SLC39A10: variants seen among roughly 807,000 people sequenced by gnomAD.
SLC39A10 encodes the protein solute carrier family 39 member 10.
Under a neutral mutation model 65.1 loss-of-function variants are expected in SLC39A10, and 13 were observed. The ratio of observed to expected loss-of-function variants is 0.20; its 90% CI spans 0.13 to 0.32. SLC39A10 has a LOEUF of 0.32. Among genes scored for constraint, SLC39A10 ranks in the 10% least tolerant of loss-of-function variants. The pLI, the probability that SLC39A10 is intolerant of heterozygous loss-of-function variation, is 1.00. For missense variants in SLC39A10, 831 were observed against 1,018.4 expected (o/e 0.82, Z 2.50); for synonymous variants, 321 against 342.2 (o/e 0.94, Z 0.68).
chr2:195,683,534 C>G (rs1164983143), intron 2 of SLC39A10, among the ~76,000 whole-genome samples, 165 bp from the exon 3 acceptor site: 1 of 151,954 alleles, frequency 6.6e-6, no homozygotes, highest in Admixed American at 6.5e-5. Flanking sequence ...TTGAGTGTAT[C>G]CCTATTACAA....
Position 195,680,804 on chromosome 2 carries a change from C to T in SLC39A10, c.762C>T (p.Asn254=). The T allele has an allele frequency of 6.2e-7, 1 of 1,614,082 alleles. No homozygotes were observed. Among genetic ancestry groups the T allele is most frequent in the South Asian group, 1.1e-5 (1 of 91,068 alleles). ...SEVITPGFPP[N]HDQGEQYEHN... ...TTATTACACCAGGTTTTCCCCCTAA[C>T]CATGATCAGGGTGAACAGTATGAGC... Residue 254 remains asparagine (N), a synonymous_variant, in exon 2 of 10, where the codon AAC becomes AAT. Transcript: ENST00000359634.
intron 2 of SLC39A10, among the ~76,000 whole-genome samples, chr2:195,682,630 T>A (rs909598140): frequency 3.9e-5 from 6 of 152,076 alleles, no homozygotes; most frequent in African/African-American, 1.4e-4. Context: ...TATCCTAGAA[T>A]ATTTTGTTGA....
intron 3 of SLC39A10, among the ~76,000 whole-genome samples, chr2:195,703,230 G>A (rs1028300190): frequency 6.6e-6 from 1 of 152,156 alleles, no homozygotes; most frequent in Non-Finnish European, 1.5e-5. Flanking sequence ...TAGCTAGTAT[G>A]TGGCCAGTTC....
rs58936616 is a variant in SLC39A10, at chr2:195,729,961, A to ATTTTTTTT, written c.2337+1629_2337+1636dup. On this transcript the variant is annotated intron_variant, in intron 9 of 9. Transcript: ENST00000359634. ...CCATGGGTGCACACCACCATGCCTA[A>ATTTTTTTT]TTTTTTTTTTTTTTTTTTTTTTTTG... Among the ~76,000 whole-genome samples, 179 of 92,120 alleles carry ATTTTTTTT rather than the reference A, an allele frequency of 1.9e-3. 3 individuals are homozygous for ATTTTTTTT. The highest frequency in any genetic ancestry group is 2.4e-3 in the Non-Finnish European group (121 of 50,374). 60.4% of individuals were successfully genotyped at this position (92,120 alleles called of 152,430 possible). A position where few individuals can be genotyped will look rare whatever the true frequency, so the allele number is the denominator to read the frequency against.
Position 195,736,841 on chromosome 2 carries a change from T to TGATA in SLC39A10, c.*1801_*1804dup, listed in dbSNP as rs1692628952. ...TTCAAGCAACCTAGCTAAAAGGTGC[T>TGATA]GATATTTTATTTAGTACTGCCAACT... On this transcript the variant is annotated 3_prime_UTR_variant, in exon 10 of 10. Transcript: ENST00000359634. The TGATA allele has an allele frequency of 6.6e-6, 1 of 152,500 alleles. No homozygotes were observed. Among genetic ancestry groups the TGATA allele is most frequent in the Non-Finnish European group, 1.5e-5 (1 of 67,994 alleles). 9.4% of individuals were successfully genotyped at this position (152,500 alleles called of 1,614,324 possible). A position where few individuals can be genotyped will look rare whatever the true frequency, so the allele number is the denominator to read the frequency against.
intron 5 of SLC39A10, among the ~76,000 whole-genome samples, chr2:195,711,986 A>G (rs1255705008): frequency 6.6e-6 from 1 of 151,986 alleles, no homozygotes; most frequent in Non-Finnish European, 1.5e-5. Flanking sequence ...AGTGGCTTAC[A>G]TTAACCATTA....
intron 2 of SLC39A10, among the ~76,000 whole-genome samples, chr2:195,627,391 A>G (rs1688495684): frequency 6.6e-6 from 1 of 152,176 alleles, no homozygotes; most frequent in Non-Finnish European, 1.5e-5. Context: ...GCCCATTTAA[A>G]TTGTGCCAAA....
chr2:195,635,526 C>T (rs1688679792), intron 2 of SLC39A10, among the ~76,000 whole-genome samples: 1 of 152,134 alleles, frequency 6.6e-6, no homozygotes, highest in Admixed American at 6.5e-5. Context: ...TAGCACAAAT[C>T]AAAGAAGTGG....
At chr2:195,672,887 G>GT (rs1203683216) in intron 1 of SLC39A10, among the ~76,000 whole-genome samples, 1 of 152,142 alleles carries the variant, frequency 6.6e-6, no homozygotes, top group African/African-American at 2.4e-5. Flanking sequence ...GAAAATCAAG[G>GT]TAACTGCAGG....
At chr2:195,648,169 C>G (rs1191960767) in intron 2 of SLC39A10, among the ~76,000 whole-genome samples, 1 of 151,934 alleles carries the variant, frequency 6.6e-6, no homozygotes, top group South Asian at 2.1e-4. Flanking sequence ...ATTTTTAAAA[C>G]AATTTTTTTG....
intron 5 of SLC39A10, among the ~76,000 whole-genome samples, chr2:195,711,815 T>TA (rs1457115708): frequency 6.6e-6 from 1 of 152,236 alleles, no homozygotes; most frequent in African/African-American, 2.4e-5. Flanking sequence ...TCATTTTCTT[T>TA]AATTTCTATA....
chr2:195,660,520 G>A lies in SLC39A10; in HGVS notation c.-12+3239G>A, dbSNP rs140726913. On this transcript the variant is annotated intron_variant, in intron 1 of 9. Transcript: ENST00000359634. ...TCCCTTCACCTTTTGCTAAAATAAG[G>A]TAATGTTTAAATTACAATTAGATTT... Among the ~76,000 whole-genome samples, 178 of 152,254 alleles carry A rather than the reference G, an allele frequency of 1.2e-3. 2 individuals are homozygous for A. The highest frequency in any genetic ancestry group is 4.2e-3 in the African/African-American group (173 of 41,544).
chr2:195,656,966 C>A (rs1247748642), upstream of SLC39A10: 2 of 152,304 alleles, frequency 1.3e-5, no homozygotes, highest in Non-Finnish European at 2.9e-5. Context: ...CCGCAGTTTG[C>A]GTAGACTTGA....
intron 6 of SLC39A10, among the ~76,000 whole-genome samples, chr2:195,715,202 C>A (rs1691745956): frequency 6.6e-6 from 1 of 151,918 alleles, no homozygotes; most frequent in Admixed American, 6.6e-5. Flanking sequence ...TATATACTTA[C>A]CTGGTATAAT....
At chr2:195,679,773 A>G (rs143673092) in intron 1 of SLC39A10, among the ~76,000 whole-genome samples, 9 of 152,328 alleles carry the variant, frequency 5.9e-5, no homozygotes, top group African/African-American at 2.2e-4. Flanking sequence ...ATATAGGAAT[A>G]TAATTTATTA....
At chr2:195,668,388 T>C (rs961071215) in intron 1 of SLC39A10, among the ~76,000 whole-genome samples, 2 of 152,236 alleles carry the variant, frequency 1.3e-5, no homozygotes, top group African/African-American at 2.4e-5. Flanking sequence ...TAAGTTTACT[T>C]AAAACATGGT....
chr2:195,660,866 T>C (rs951257608), intron 1 of SLC39A10, among the ~76,000 whole-genome samples: 8 of 152,228 alleles, frequency 5.3e-5, no homozygotes, highest in African/African-American at 1.7e-4. Context: ...CATATAACTT[T>C]GTATTGCTTT....
chr2:195,641,240 C>A (rs10460389), intron 2 of SLC39A10, among the ~76,000 whole-genome samples: 5,604 of 152,070 alleles, frequency 0.037, 238 homozygotes, highest in African/African-American at 0.096. Context: ...TAAACTGAAT[C>A]CTGAAGGACA....
intron 9 of SLC39A10, among the ~76,000 whole-genome samples, chr2:195,732,915 T>A (rs138968070): frequency 4.9e-4 from 74 of 152,288 alleles, no homozygotes; most frequent in Admixed American, 2.0e-3. Context: ...CTTAGACCAT[T>A]AGTTGATTTG....
Sources: allele counts gnomAD v4.1 joint callset (sites outside exome capture counted in the v4.1 genomes callset), GRCh38; gene constraint gnomAD v4.1.1; transcripts MANE v1.5; gene names NCBI Gene and HGNC (gene_info 2026-07-23, HGNC 2026-07-21).